The following PCCA variants were observed in gnomAD, a reference collection of about 807,000 sequenced individuals.
PCCA encodes propionyl-CoA carboxylase alpha chain, mitochondrial.
PCCA carries 74 observed loss-of-function variants against 101.3 expected under a neutral mutation model. That is an observed-to-expected ratio of 0.73 (90% CI 0.61 to 0.89). PCCA has a LOEUF of 0.89. PCCA is among the 40% of genes least tolerant of loss of function. PCCA has a pLI of 0.00. For missense variants in PCCA, 891 were observed against 907.0 expected (o/e 0.98, Z 0.23); for synonymous variants, 294 against 313.6 (o/e 0.94, Z 0.66).
chr13:100,318,099 C>G (rs553806880), intron 16 of PCCA, among the ~76,000 whole-genome samples: 43 of 152,296 alleles, frequency 2.8e-4, no homozygotes, highest in African/African-American at 1.0e-3. Flanking sequence ...CTAAGTGATT[C>G]TGGATTGCAT....
intron 18 of PCCA, among the ~76,000 whole-genome samples, chr13:100,364,326 G>A (rs941117120): frequency 2.6e-5 from 4 of 152,176 alleles, no homozygotes; most frequent in African/African-American, 9.7e-5. Flanking sequence ...ATGGATCTGT[G>A]TAATTCTTTT....
intron 16 of PCCA, among the ~76,000 whole-genome samples, chr13:100,319,849 G>T (rs1446437014): frequency 6.6e-6 from 1 of 151,344 alleles, no homozygotes; most frequent in African/African-American, 2.4e-5. Context: ...GAACTTTAAA[G>T]ATCCAATTCT....
rs187459720 is a variant in PCCA, at chr13:100,191,436, C to T, written c.469-17896C>T. 3.1e-3 allele frequency among the ~76,000 whole-genome samples: 472 copies of T among 152,236 alleles called. 1 individual carries two copies. Among genetic ancestry groups the T allele is most frequent in the African/African-American group, 0.01 (425 of 41,538 alleles). ...TTCACACTTGTGTCGCAGCTTACTACGGGTCACCTCCGTCCTAAGTGTCTT... is the reference window on the plus strand; with the variant it reads ...TTCACACTTGTGTCGCAGCTTACTATGGGTCACCTCCGTCCTAAGTGTCTT... On this transcript the variant is annotated intron_variant, in intron 6 of 23. Coordinates refer to ENST00000376285, the MANE Select transcript of PCCA (RefSeq NM_000282.4).
At chr13:100,328,984 G>A (rs368572958) in intron 16 of PCCA, among the ~76,000 whole-genome samples, 4 of 147,392 alleles carry the variant, frequency 2.7e-5, no homozygotes, top group East Asian at 2.0e-4. Flanking sequence ...GAGCCACCGC[G>A]CCTGGACTTT....
chr13:100,232,480 A>C (rs1566760447), intron 7 of PCCA, among the ~76,000 whole-genome samples: 1 of 151,828 alleles, frequency 6.6e-6, no homozygotes, highest in Non-Finnish European at 1.5e-5. Context: ...TCCTGGGCTC[A>C]TGCAATCCTC....
intron 6 of PCCA, among the ~76,000 whole-genome samples, chr13:100,190,582 G>A (rs1212408022): frequency 6.6e-6 from 1 of 152,156 alleles, no homozygotes; most frequent in Non-Finnish European, 1.5e-5. Flanking sequence ...GGCTGAGGCG[G>A]GAGAACTGCT....
rs370987593 is a variant in PCCA at position 100,366,790 on chromosome 13, A to AT, written c.1644-1672dup. Among the ~76,000 whole-genome samples the AT allele has an allele frequency of 8.6e-4, 129 of 149,404 alleles. 1 individual carries two copies. Among genetic ancestry groups the AT allele is most frequent in the Admixed American group, 8.0e-4 (12 of 14,982 alleles). On this transcript the variant is annotated intron_variant, in intron 18 of 23. Coordinates refer to ENST00000376285, the MANE Select transcript of PCCA (RefSeq NM_000282.4). Reference sequence around the variant, plus strand: ...GTACAGTGTGCATTATTGTTGATGCATTTTTTTTTTACTTTTATTTTTACT... The same window carrying AT: ...GTACAGTGTGCATTATTGTTGATGCATTTTTTTTTTTACTTTTATTTTTACT...
At chr13:100,356,712 G>C (rs942953966) in intron 18 of PCCA, among the ~76,000 whole-genome samples, 2 of 152,000 alleles carry the variant, frequency 1.3e-5, no homozygotes, top group South Asian at 2.1e-4. Context: ...TCCACTTCCT[G>C]GTATATACCC....
At chr13:100,228,504 G>C (rs887865574) in intron 7 of PCCA, among the ~76,000 whole-genome samples, 3 of 152,152 alleles carry the variant, frequency 2.0e-5, no homozygotes, top group African/African-American at 4.8e-5. Flanking sequence ...ATTTTAAAGA[G>C]TGTTAAGAAT....
intron 19 of PCCA, among the ~76,000 whole-genome samples, chr13:100,421,417 A>G (rs1192606006): frequency 6.6e-6 from 1 of 152,124 alleles, no homozygotes; most frequent in Non-Finnish European, 1.5e-5. Flanking sequence ...TGTATACACT[A>G]TTCTGTATTT....
At chr13:100,435,928 A>G (rs2079898020) in intron 20 of PCCA, among the ~76,000 whole-genome samples, 1 of 152,118 alleles carries the variant, frequency 6.6e-6, no homozygotes, top group African/African-American at 2.4e-5. Flanking sequence ...CTGTAATCCC[A>G]TCTACTTGGG....
At chr13:100,149,582 G>A (rs932540470) in intron 4 of PCCA, 3 of 152,226 alleles carry the variant, frequency 2.0e-5, no homozygotes, top group Non-Finnish European at 4.4e-5. Flanking sequence ...GCCGGGTTAT[G>A]TAAGCTGTTG....
At position 100,111,904 on chromosome 13, in the gene PCCA, G is replaced by T. The variant is rs562491059; in HGVS notation, c.231+16G>T. On this transcript the variant is annotated intron_variant, in intron 3 of 23. Coordinates refer to ENST00000376285, the MANE Select transcript of PCCA (RefSeq NM_000282.4). Reference sequence around the variant, plus strand: ...TGCATGTCGGGTGAGTAGAATTTTCGTCTTATTTTCCATTTTACTCTGAAA... The same window carrying T: ...TGCATGTCGGGTGAGTAGAATTTTCTTCTTATTTTCCATTTTACTCTGAAA... The T allele has an allele frequency of 1.9e-6, 3 of 1,606,460 alleles. No homozygotes were observed. Among genetic ancestry groups the T allele is most frequent in the African/African-American group, 1.3e-5 (1 of 74,598 alleles).
chr13:100,520,555 A>G (rs1403532664), intron 22 of PCCA, among the ~76,000 whole-genome samples: 5 of 150,214 alleles, frequency 3.3e-5, no homozygotes, highest in African/African-American at 1.2e-4. Flanking sequence ...GAATGGCGTG[A>G]ACCCGGAAGG....
intron 9 of PCCA, among the ~76,000 whole-genome samples, chr13:100,259,556 A>G (rs1412371818): frequency 1.3e-5 from 2 of 151,844 alleles, no homozygotes; most frequent in African/African-American, 4.8e-5. Context: ...GATGGTCTCG[A>G]TCTCTTGACA....
chr13:100,163,197 A>T (rs1340497229), intron 6 of PCCA, among the ~76,000 whole-genome samples: 1 of 152,104 alleles, frequency 6.6e-6, no homozygotes, highest in Admixed American at 6.6e-5. Flanking sequence ...CTGGGATTTG[A>T]TGAGGCTGGG....
chr13:100,325,110 A>G (rs2068510672), intron 16 of PCCA, among the ~76,000 whole-genome samples: 1 of 152,218 alleles, frequency 6.6e-6, no homozygotes, highest in African/African-American at 2.4e-5. Flanking sequence ...TTGTAAAAAA[A>G]AATAAAATGA....
intron 17 of PCCA, among the ~76,000 whole-genome samples, chr13:100,334,199 G>C (rs370947168): frequency 3.9e-5 from 6 of 152,142 alleles, no homozygotes; most frequent in African/African-American, 1.4e-4. Context: ...ATACCTCTCC[G>C]GGGACTCTCT....
intron 17 of PCCA, among the ~76,000 whole-genome samples, chr13:100,335,620 T>C (rs759223671): frequency 3.3e-5 from 5 of 152,168 alleles, no homozygotes; most frequent in Non-Finnish European, 5.9e-5. Context: ...CTCATCCTGG[T>C]GTAAGCTTTC....
Sources: gnomAD v4.1 joint callset for allele counts (sites outside exome capture counted in the v4.1 genomes callset) on GRCh38, gnomAD v4.1.1 for gene constraint, MANE v1.5 for transcripts, NCBI Gene and HGNC (gene_info 2026-07-23, HGNC 2026-07-21) for gene names.